Variants in MED4 observed in about 807,000 individuals in gnomAD.
MED4 encodes mediator of RNA polymerase II transcription subunit 4.
MED4 carries 21 observed loss-of-function variants against 35.0 expected under a neutral mutation model. That is an observed-to-expected ratio of 0.60 (90% confidence interval 0.43 to 0.86). The LOEUF is 0.86. MED4 is among the 40% of genes least tolerant of loss of function. MED4 has a pLI of 0.00. For synonymous variants in MED4, 138 were observed against 114.0 expected (o/e 1.21, Z -1.34); for missense variants, 300 against 319.4 (o/e 0.94, Z 0.46).
At chr13:48,084,408 A>G (rs1326067187) in intron 3 of MED4, among the ~76,000 whole-genome samples, 1 of 152,232 alleles carries the variant, frequency 6.6e-6, no homozygotes, top group African/African-American at 2.4e-5. Flanking sequence ...CTTGATATAA[A>G]CTGTTAGGAA....
intron 6 of MED4, 192 bp downstream of exon 6, chr13:48,079,652 A>G: frequency 1.9e-6 from 1 of 522,420 alleles, no homozygotes; most frequent in East Asian, 4.0e-5. Flanking sequence ...AGGCACAAGA[A>G]TCACTTGAAC....
At chr13:48,078,035 A>G (rs947282161) in intron 6 of MED4, among the ~76,000 whole-genome samples, 8 of 152,206 alleles carry the variant, frequency 5.3e-5, no homozygotes, top group African/African-American at 1.9e-4. Flanking sequence ...AGGAACTGCT[A>G]TTGTAAGTGA....
At chr13:48,087,255 C>T (rs879812491) in intron 2 of MED4, among the ~76,000 whole-genome samples, 18 of 152,116 alleles carry the variant, frequency 1.2e-4, no homozygotes, top group Non-Finnish European at 2.5e-4. Flanking sequence ...ATCCCAGGTA[C>T]TCAGGAGGCT....
At chr13:48,079,628 T>G (rs989904856) in intron 6 of MED4, 2 of 440,114 alleles carry the variant, frequency 4.5e-6, no homozygotes, top group Non-Finnish European at 8.1e-6. Context: ...TAATCCCAGC[T>G]ACTCGGGAGG....
At position 48,079,673 on chromosome 13, in the gene MED4, A is replaced by G. The variant is rs928622663; in HGVS notation, c.640+171T>C. On this transcript the variant is annotated intron_variant, in intron 6 of 6. Transcript: ENST00000258648. ...AAGAATCACTTGAACCTGGGAGCCA[A>G]GATTTCGCCAACACGCTCCAGCCTG... 5 of 649,940 alleles carry G rather than the reference A, an allele frequency of 7.7e-6. No individual in the cohort carries two copies. In the Admixed American group the frequency reaches 1.0e-4, roughly 13 times the overall value. 40.3% of individuals were successfully genotyped at this position (649,940 alleles called of 1,614,324 possible).
At position 48,077,258 on chromosome 13, in the gene MED4, A is replaced by G; in HGVS notation, c.694T>C (p.Leu232=). 17 of 1,579,522 alleles carry G rather than the reference A, an allele frequency of 1.1e-5. No homozygotes were observed. Among genetic ancestry groups the G allele is most frequent in the Non-Finnish European group, 1.5e-5 (17 of 1,167,528 alleles). ...AAGTCACTACTATGATTTGGTGGTA[A>G]CATATTCATCGACATGTCATTTGAC... is the stretch of plus-strand genomic sequence containing the variant. The part of the protein sequence containing the change: ...WQSNDMSMNM[L]PPNHSSDFLL... Residue 232 remains leucine, a synonymous_variant, in exon 7 of 7, where the codon TTA becomes CTA. Transcript: ENST00000258648.
At chr13:48,077,433 T>A in intron 6 of MED4, 122 bp from the exon 7 acceptor site, 3 of 842,920 alleles carry the variant, frequency 3.6e-6, no homozygotes, top group Non-Finnish European at 3.4e-6. Flanking sequence ...TCTTCTTTTT[T>A]TGACACAGGG....
rs1950920105 is a variant in MED4 at position 48,095,051 on chromosome 13, C to T, written c.28G>A (p.Glu10Lys). 2 of 1,605,366 alleles carry T rather than the reference C, an allele frequency of 1.2e-6. No homozygotes were observed. The highest frequency in any genetic ancestry group is 8.5e-7 in the Non-Finnish European group (1 of 1,179,796). Reference sequence around the variant, plus strand: ...AAACCGCCTCCCAGCCGCTCCTTCTCCTTCTCACCACTCGAAGACGCAGCC... The same window carrying T: ...AAACCGCCTCCCAGCCGCTCCTTCTTCTTCTCACCACTCGAAGACGCAGCC... MAASSSGEK[E>K]KERLGGGLGV... The change falls in exon 1 of 7, where the codon GAG (glutamate) becomes AAG (lysine). Residue 10 changes from glutamate to lysine, a missense_variant. Glu to Lys is a moderately conservative substitution (Grantham distance 56). Transcript: ENST00000258648.
intron 6 of MED4, 168 bp from the exon 7 acceptor site, chr13:48,077,479 C>T (rs549349060): frequency 1.6e-5 from 8 of 499,806 alleles, no homozygotes; most frequent in African/African-American, 4.1e-5. Context: ...TGCAGTGGCA[C>T]GAATACATCA....
chr13:48,085,275 G>A (rs756672965), intron 3 of MED4, among the ~76,000 whole-genome samples: 7 of 150,850 alleles, frequency 4.6e-5, no homozygotes, highest in Non-Finnish European at 7.4e-5. Flanking sequence ...AGGTTCACGC[G>A]ATTCTCCTGC....
intron 2 of MED4, among the ~76,000 whole-genome samples, chr13:48,087,855 A>G (rs986218872): frequency 6.6e-6 from 1 of 152,102 alleles, no homozygotes. Context: ...GTCTCAGGAA[A>G]AAAAAAAAAA....
chr13:48,083,167 C>T (rs1950822772), intron 4 of MED4, among the ~76,000 whole-genome samples: 1 of 152,242 alleles, frequency 6.6e-6, no homozygotes, highest in South Asian at 2.1e-4. Flanking sequence ...GTATTAATTG[C>T]TTTTTATAAT....
rs1950758171 is a variant in MED4, at chr13:48,076,302, T to C, written c.*837A>G. ...ATTAAAAGTGGTTAAAAATGACTCC[T>C]GGGGAACTGTAAGAAGAGGAAGGTG... is the stretch of plus-strand genomic sequence containing the variant. On this transcript the variant is annotated 3_prime_UTR_variant, in exon 7 of 7. Coordinates refer to ENST00000258648, the MANE Select transcript of MED4 (RefSeq NM_014166.4). 6.6e-6 allele frequency: 1 copy of C among 152,158 alleles called. No individual in the cohort carries two copies. Among genetic ancestry groups the C allele is most frequent in the Non-Finnish European group, 1.5e-5 (1 of 68,000 alleles). The allele number at this position is 152,158 out of a possible 1,614,324, so 9.4% of individuals were successfully genotyped here. A position where few individuals can be genotyped will look rare whatever the true frequency, so the allele number is the denominator to read the frequency against.
At chr13:48,086,486 G>A (rs1199031140) in intron 2 of MED4, 34 bp from the exon 3 acceptor site, 2 of 1,591,988 alleles carry the variant, frequency 1.3e-6, no homozygotes. Context: ...TCAGACAATA[G>A]ACTACTGAAA....
chr13:48,094,811 C>T, intron 1 of MED4, 143 bp downstream of exon 1: 1 of 1,199,846 alleles, frequency 8.3e-7, no homozygotes, highest in Non-Finnish European at 1.1e-6. Flanking sequence ...GCGGACCCCA[C>T]GTCCATGACC....
At chr13:48,081,618 C>T in intron 5 of MED4, 27 bp downstream of exon 5, 1 of 1,522,598 alleles carries the variant, frequency 6.6e-7, no homozygotes, top group Non-Finnish European at 9.0e-7. Flanking sequence ...CCACATATAT[C>T]TAGTATAATA....
rs763981876 is a variant in MED4, at chr13:48,095,042, G to GCTCCTT, written c.31_36dup (p.Lys11_Glu12dup). ...GCCACTCCCAAACCGCCTCCCAGCC[G>GCTCCTT]CTCCTTCTCCTTCTCACCACTCGAA... On this transcript the variant is annotated inframe_insertion, in exon 1 of 7. Coordinates refer to ENST00000258648, the MANE Select transcript of MED4 (RefSeq NM_014166.4). The GCTCCTT allele has an allele frequency of 1.2e-5, 20 of 1,606,044 alleles. No individual in the cohort carries two copies. Among genetic ancestry groups the GCTCCTT allele is most frequent in the Non-Finnish European group, 1.7e-5 (20 of 1,179,900 alleles).
chr13:48,086,563 A>T, intron 2 of MED4, 111 bp from the exon 3 acceptor site: 1 of 857,060 alleles, frequency 1.2e-6, no homozygotes, highest in Non-Finnish European at 1.8e-6. Context: ...CAACACCTTC[A>T]AAATTTTATT....
rs188634079 is a variant in MED4 at position 48,087,975 on chromosome 13, C to G, written c.193-1523G>C. Among the ~76,000 whole-genome samples, 382 of 152,288 alleles carry G rather than the reference C, an allele frequency of 2.5e-3. 1 individual carries two copies. The highest frequency in any genetic ancestry group is 8.7e-3 in the African/African-American group (361 of 41,554). On this transcript the variant is annotated intron_variant, in intron 2 of 6. Transcript: ENST00000258648. ...AGTCTGGTGGTTCATATCTCTAGTC[C>G]TCCATCTGCTAGCTGTGTGACACAG...
Sources: allele counts gnomAD v4.1 joint callset (sites outside exome capture counted in the v4.1 genomes callset), GRCh38; gene constraint gnomAD v4.1.1; transcripts MANE v1.5; gene names NCBI Gene and HGNC (gene_info 2026-07-23, HGNC 2026-07-21).